The following TNXB variants were observed in gnomAD, a reference collection of about 807,000 sequenced individuals.
The protein encoded by TNXB is tenascin XB, also known as tenascin-X.
A neutral mutation model predicts 340.5 loss-of-function variants in TNXB; 183 were observed. That is an observed-to-expected ratio of 0.54 (90% CI 0.48 to 0.61). TNXB has a LOEUF of 0.61. Ranked by LOEUF, TNXB falls within the 20% of genes least tolerant of loss-of-function variation. The pLI is 0.00. For missense variants in TNXB, 4,613 were observed against 5,446.4 expected (o/e 0.85, Z 4.82); for synonymous variants, 2,121 against 2,314.5 (o/e 0.92, Z 2.40).
rs1779975955 is a variant in TNXB, at chr6:32,089,356, G to A, written c.2382C>T (p.Phe794=). The change falls in exon 5 of 44, where the codon TTC becomes TTT. Residue 794 remains phenylalanine, a synonymous_variant. Transcript: ENST00000644971. This position sits in a 1 kb window ranked among gnomAD's most constrained non-coding sequence, Gnocchi z 6.2. ...IPTTEGASPP[F]TARVPSSASA... is the part of the protein sequence containing the mutation. ...AGGCAGAGCTTGGAACCCGTGCTGT[G>A]AATGGGGGGCTCGCCCCCTCTGTCT... 6.2e-7 allele frequency: 1 copy of A among 1,607,760 alleles called. No individual in the cohort carries two copies. Among genetic ancestry groups the A allele is most frequent in the Admixed American group, 1.7e-5 (1 of 59,812 alleles).
rs1380636508 is a variant in TNXB at position 32,049,621 on chromosome 6, G to A, written c.9440-34C>T. On this transcript the variant is annotated intron_variant, in intron 27 of 43. Coordinates refer to ENST00000644971, the MANE Select transcript of TNXB (RefSeq NM_001365276.2). This position sits in a 1 kb window ranked among gnomAD's most constrained non-coding sequence, Gnocchi z 4.5. ...GAGAAGGAGGGAGAGAGAGTGAGGG[G>A]GATGTCCTTGGGTCCTGGGGAAAAG... 2 of 1,595,288 alleles carry A rather than the reference G, an allele frequency of 1.3e-6. No homozygotes were observed. The highest frequency in any genetic ancestry group is 1.7e-6 in the Non-Finnish European group (2 of 1,168,404).
chr6:32,088,932 C>T lies in TNXB; in HGVS notation c.2632G>A (p.Gly878Ser), dbSNP rs570126253. ...DRFVVSYVSAGNQRVRLEVPP... is the reference protein window; with the variant it reads ...DRFVVSYVSASNQRVRLEVPP... ...ACTTCCAGCCTCACCCTCTGGTTGC[C>T]GGCACTGACGTAGGACACCACAAAT... Residue 878 changes from glycine (G) to serine (S), a missense_variant, in exon 6 of 44, where the codon GGC (glycine) becomes AGC (serine). Gly to Ser is a moderately conservative substitution (Grantham distance 56, BLOSUM62 0). This residue lies in a region of TNXB where 4,327 missense variants were observed against 4,859.4 expected (regional missense o/e 0.89). Coordinates refer to ENST00000644971, the MANE Select transcript of TNXB (RefSeq NM_001365276.2). 4.4e-5 allele frequency: 71 copies of T among 1,603,318 alleles called. No individual in the cohort carries two copies. In the East Asian group the frequency reaches 7.2e-4, roughly 16 times the overall value.
chr6:32,070,168 C>T lies in TNXB; in HGVS notation c.5237G>A (p.Gly1746Asp), dbSNP rs760983198. ...AGTGAGAGGGCCATGGCGCTTCTTG[C>T]CCAGGAGGCCATAGAGGAGGAATCT... The part of the protein sequence containing the change: ...KYRFLLYGLL[G>D]KKRHGPLTAD... Residue 1746 changes from glycine to aspartate, a missense_variant, in exon 14 of 44, where the codon GGC becomes GAC. Physicochemically the swap from Gly to Asp is moderately conservative, Grantham distance 94. Transcript: ENST00000644971. The surrounding 1 kb of genome is among the most constrained non-coding windows in gnomAD (Gnocchi z 6.0). The T allele has an allele frequency of 3.1e-6, 5 of 1,601,366 alleles. No homozygotes were observed. The highest frequency in any genetic ancestry group is 1.1e-5 in the South Asian group (1 of 89,702).
rs1778091308 is a variant in TNXB, at chr6:32,062,460, C to G, written c.6865G>C (p.Ala2289Pro). ...GTGGGAGGTTCTGTCGAGGCTGGGGCCATTTCTTCATCCTTTCCTGGGGCT... is the reference window on the plus strand; with the variant it reads ...GTGGGAGGTTCTGTCGAGGCTGGGGGCATTTCTTCATCCTTTCCTGGGGCT... The part of the protein sequence containing the change: ...LTAPGKDEEM[A>P]PASTEPPTPE... Residue 2289 changes from alanine (A) to proline (P), a missense_variant, in exon 20 of 44, where the codon GCC (alanine) becomes CCC (proline). Physicochemically the swap from Ala to Pro is conservative, Grantham distance 27. Transcript: ENST00000644971. The surrounding 1 kb of genome is among the most constrained non-coding windows in gnomAD (Gnocchi z 4.3). 2 of 1,607,168 alleles carry G rather than the reference C, an allele frequency of 1.2e-6. No homozygotes were observed. Among genetic ancestry groups the G allele is most frequent in the East Asian group, 4.5e-5 (2 of 44,722 alleles).
rs184345253 is a variant in TNXB, at chr6:32,052,813, C to T, written c.8972G>A (p.Gly2991Glu). The T allele has an allele frequency of 1.9e-6, 3 of 1,613,726 alleles. No homozygotes were observed. Among genetic ancestry groups the T allele is most frequent in the East Asian group, 4.5e-5 (2 of 44,880 alleles). The change falls in exon 26 of 44, where the codon GGG becomes GAG. Residue 2991 changes from glycine to glutamate, a missense_variant. Coordinates refer to ENST00000644971, the MANE Select transcript of TNXB (RefSeq NM_001365276.2). The surrounding 1 kb of genome is among the most constrained non-coding windows in gnomAD (Gnocchi z 4.7). ...SFTVQYKDRDGRPQVVRVRGE... is the reference protein window; with the variant it reads ...SFTVQYKDRDERPQVVRVRGE... ...CCTGACACGCACCACCTGGGGCCGC[C>T]CGTCCCTGTCCTTGTACTGCACAGT... is the stretch of plus-strand genomic sequence containing the variant.
At chr6:32,106,512 C>A (rs543337595) in intron 1 of TNXB, among the ~76,000 whole-genome samples, 1 of 152,188 alleles carries the variant, frequency 6.6e-6, no homozygotes, top group Non-Finnish European at 1.5e-5. Flanking sequence ...CTCCACCCAA[C>A]ACGCACACAT....
chr6:32,105,729 C>T (rs1361786380), intron 1 of TNXB, among the ~76,000 whole-genome samples: 3 of 152,098 alleles, frequency 2.0e-5, no homozygotes, highest in Non-Finnish European at 4.4e-5. Flanking sequence ...CCTGGCAGGA[C>T]CAGATGGTAC....
In TNXB at chr6:32,072,009, G is replaced by C; in HGVS notation, c.4971C>G (p.Val1657=). 6.2e-7 allele frequency: 1 copy of C among 1,605,322 alleles called. No individual in the cohort carries two copies. The highest frequency in any genetic ancestry group is 8.5e-7 in the Non-Finnish European group (1 of 1,175,342). ...GIQDGKRRSP[V]SVEAKTVARG... ...TCTCACCCGTCTTTGCCTCCACAGA[G>C]ACTGGGCTGCGTCGTTTCCCATCCT... The change falls in exon 13 of 44, where the codon GTC becomes GTG. Residue 1657 remains valine (V), a synonymous_variant. Transcript: ENST00000644971. This position sits in a 1 kb window ranked among gnomAD's most constrained non-coding sequence, Gnocchi z 4.4.
rs1317941548 is a variant in TNXB, at chr6:32,062,281, C to G, written c.7044G>C (p.Arg2348=). ...KNGDGQPKAT[R]VPGHEDRVTI... is the part of the protein sequence containing the mutation. ...TGACCCTGTCCTCATGTCCTGGCAC[C>G]CGTGTTGCCTTGGGCTGCCCATCCC... Residue 2348 remains arginine, a synonymous_variant, in exon 20 of 44, where the codon CGG becomes CGC. Transcript: ENST00000644971. This position sits in a 1 kb window ranked among gnomAD's most constrained non-coding sequence, Gnocchi z 4.3. 4 of 1,613,298 alleles carry G rather than the reference C, an allele frequency of 2.5e-6. No individual in the cohort carries two copies. Among genetic ancestry groups the G allele is most frequent in the Non-Finnish European group, 2.5e-6 (3 of 1,179,866 alleles).
rs973715562 is a variant in TNXB at position 32,048,719 on chromosome 6, A to G, written c.9758-69T>C. On this transcript the variant is annotated intron_variant, in intron 28 of 43. Coordinates refer to ENST00000644971, the MANE Select transcript of TNXB (RefSeq NM_001365276.2). ...TGCGCAAGGGAGGCAGTGCTCTCCC[A>G]GGACTGGAGTGAGCATTTCTTAGCG... The G allele has an allele frequency of 8.4e-5, 112 of 1,336,370 alleles. 1 individual carries two copies. The highest frequency in any genetic ancestry group is 8.8e-5 in the Non-Finnish European group (91 of 1,036,110). 82.8% of individuals were successfully genotyped at this position (1,336,370 alleles called of 1,614,324 possible). A position where few individuals can be genotyped will look rare whatever the true frequency, so the allele number is the denominator to read the frequency against.
At position 32,096,276 on chromosome 6, in the gene TNXB, C is replaced by T. The variant is rs1247381450; in HGVS notation, c.1577G>A (p.Arg526His). ...PGFTGEDCGSRRCPGDCRGHG... is the reference protein window; with the variant it reads ...PGFTGEDCGSHRCPGDCRGHG... Reference sequence around the variant, plus strand: ...CCCACGGCAGTCCCCGGGACAGCGACGGCTCCCACAGTCCTCACCGGTGAA... The same window carrying T: ...CCCACGGCAGTCCCCGGGACAGCGATGGCTCCCACAGTCCTCACCGGTGAA... Residue 526 changes from arginine to histidine, a missense_variant, in exon 3 of 44, where the codon CGT becomes CAT. Arg to His is a conservative substitution (Grantham distance 29, BLOSUM62 0). This residue lies in a region of TNXB where 4,327 missense variants were observed against 4,859.4 expected (regional missense o/e 0.89). Coordinates refer to ENST00000644971, the MANE Select transcript of TNXB (RefSeq NM_001365276.2). 3.8e-6 allele frequency: 6 copies of T among 1,559,984 alleles called. No homozygotes were observed. Among genetic ancestry groups the T allele is most frequent in the African/African-American group, 1.4e-5 (1 of 73,636 alleles).
At position 32,067,505 on chromosome 6, in the gene TNXB, C is replaced by G. The variant is rs574155812; in HGVS notation, c.6544+156G>C. Among the ~76,000 whole-genome samples the G allele has an allele frequency of 1.3e-5, 2 of 152,302 alleles. No homozygotes were observed. The highest frequency in any genetic ancestry group is 4.8e-5 in the African/African-American group (2 of 41,556). ...GGCTCCGACACTTCTCCTGGATTTG[C>G]TCTCTCTGTCCCCAGATCACACCTG... On this transcript the variant is annotated intron_variant, in intron 18 of 43. Coordinates refer to ENST00000644971, the MANE Select transcript of TNXB (RefSeq NM_001365276.2). This position sits in a 1 kb window ranked among gnomAD's most constrained non-coding sequence, Gnocchi z 4.2.
In TNXB at chr6:32,061,409, C is replaced by A; in HGVS notation, c.7480G>T (p.Val2494Leu). ...EGRRVGPVSTVGVTAPQEDVD... is the reference protein window; with the variant it reads ...EGRRVGPVSTLGVTAPQEDVD... ...AAGCACTACTCACCAGTCACGCCCA[C>A]GGTGGACACCGGGCCCACGCGCCGC... The change falls in exon 21 of 44, where the codon GTG (valine) becomes TTG (leucine). Residue 2494 changes from valine to leucine, a missense_variant. By Grantham distance (32) the Val-to-Leu change is conservative. Coordinates refer to ENST00000644971, the MANE Select transcript of TNXB (RefSeq NM_001365276.2). This position sits in a 1 kb window ranked among gnomAD's most constrained non-coding sequence, Gnocchi z 4.4. The A allele has an allele frequency of 1.9e-6, 3 of 1,612,516 alleles. No homozygotes were observed. The highest frequency in any genetic ancestry group is 2.5e-6 in the Non-Finnish European group (3 of 1,179,354).
chr6:32,062,253 T>C lies in TNXB; in HGVS notation c.7072A>G (p.Ile2358Val). Residue 2358 changes from isoleucine to valine, a missense_variant, in exon 20 of 44, where the codon ATC becomes GTC. Physicochemically the swap from Ile to Val is conservative, Grantham distance 29. Transcript: ENST00000644971. This position sits in a 1 kb window ranked among gnomAD's most constrained non-coding sequence, Gnocchi z 4.3. ...RVPGHEDRVT[I>V]SGLEPDNKYK... The stretch of plus-strand genomic sequence containing the variant: ...TTGTTGTCTGGCTCCAGGCCGGAGA[T>C]GGTGACCCTGTCCTCATGTCCTGGC... 1.9e-6 allele frequency: 3 copies of C among 1,613,304 alleles called. No individual in the cohort carries two copies. Among genetic ancestry groups the C allele is most frequent in the Non-Finnish European group, 2.5e-6 (3 of 1,179,862 alleles).
intron 11 of TNXB, among the ~76,000 whole-genome samples, chr6:32,078,289 A>AT (rs1652921571): frequency 1.3e-5 from 2 of 151,692 alleles, no homozygotes; most frequent in East Asian, 3.9e-4. Flanking sequence ...TCTACTAAAA[A>AT]TACAAAAAAG....
Position 32,097,941 on chromosome 6 carries a change from G to A in TNXB, c.258C>T (p.Gly86=). 1 of 1,596,666 alleles carries A rather than the reference G, an allele frequency of 6.3e-7. No homozygotes were observed. The highest frequency in any genetic ancestry group is 8.5e-7 in the Non-Finnish European group (1 of 1,169,818). ...RINLPPSTGC[G]CPPGTEPPVL... The stretch of plus-strand genomic sequence containing the variant: ...CTGGGGGCTCGGTGCCTGGGGGACA[G>A]CCACAGCCAGTGGAAGGGGGCAGGT... Residue 86 remains glycine (G), a synonymous_variant, in exon 2 of 44, where the codon GGC becomes GGT. Transcript: ENST00000644971. The surrounding 1 kb of genome is among the most constrained non-coding windows in gnomAD (Gnocchi z 5.9).
Position 32,074,119 on chromosome 6 carries a change from C to T in TNXB, c.4376-167G>A, listed in dbSNP as rs1336869506. On this transcript the variant is annotated intron_variant, in intron 11 of 43. Transcript: ENST00000644971. This position sits in a 1 kb window ranked among gnomAD's most constrained non-coding sequence, Gnocchi z 5.5. ...GCAGCCTCTGCCTCCCGGGTTCAAG[C>T]GATCCTCCTGCCTTAGCCTCCCAAG... is the stretch of plus-strand genomic sequence containing the variant. 2.6e-5 allele frequency among the ~76,000 whole-genome samples: 4 copies of T among 152,278 alleles called. No homozygotes were observed. Among genetic ancestry groups the T allele is most frequent in the East Asian group, 3.9e-4 (2 of 5,184 alleles).
At position 32,087,953 on chromosome 6, in the gene TNXB, C is replaced by G; in HGVS notation, c.2779+832G>C. 4.1e-6 allele frequency: 1 copy of G among 242,084 alleles called. No homozygotes were observed. Among genetic ancestry groups the G allele is most frequent in the South Asian group, 3.5e-5 (1 of 28,566 alleles). 15.0% of individuals were successfully genotyped at this position (242,084 alleles called of 1,614,324 possible). On this transcript the variant is annotated intron_variant, in intron 6 of 43. Transcript: ENST00000644971. The surrounding 1 kb of genome is among the most constrained non-coding windows in gnomAD (Gnocchi z 9.0). The stretch of plus-strand genomic sequence containing the variant: ...CGGGGCCGGGACTTGGGGGGCGGGG[C>G]TGGGGGGCGCACCTCCGGGTAACTG...
At position 32,043,911 on chromosome 6, in the gene TNXB, G is replaced by C. The variant is rs567422768; in HGVS notation, c.11387-19C>G. The C allele has an allele frequency of 6.2e-7, 1 of 1,613,302 alleles. No individual in the cohort carries two copies. Among genetic ancestry groups the C allele is most frequent in the African/African-American group, 1.3e-5 (1 of 74,758 alleles). ...GGCTCCCCTGAAAACATTGGGGATC[G>C]AGGGTTACCCAGGGAACCCCAGGGC... is the stretch of plus-strand genomic sequence containing the variant. On this transcript the variant is annotated intron_variant, in intron 34 of 43. Transcript: ENST00000644971.
Sources: gnomAD v4.1 joint callset for allele counts (sites outside exome capture counted in the v4.1 genomes callset) on GRCh38, gnomAD v4.1.1 for gene constraint, gnomAD v4.1.1 regional missense constraint, Gnocchi (gnomAD v3.1) non-coding constraint, MANE v1.5 for transcripts, NCBI Gene and HGNC (gene_info 2026-07-23, HGNC 2026-07-21) for gene names.